Variants in KPNA4 observed in about 807,000 individuals in gnomAD.
KPNA4 encodes karyopherin subunit alpha 4.
A neutral mutation model predicts 71.3 loss-of-function variants in KPNA4; 13 were observed. That is an observed-to-expected ratio of 0.18 (90% CI 0.12 to 0.29). KPNA4 has a LOEUF of 0.29. Among genes scored for constraint, KPNA4 ranks in the 10% least tolerant of loss-of-function variants. KPNA4 has a pLI of 1.00. For missense variants in KPNA4, 334 were observed against 603.2 expected (o/e 0.55, Z 4.67); for synonymous variants, 189 against 195.2 (o/e 0.97, Z 0.26).
rs1722322447 is a variant in KPNA4, at chr3:160,565,202, C to A, written c.69+12G>T. On this transcript the variant is annotated intron_variant, in intron 1 of 16. Transcript: ENST00000334256. The stretch of plus-strand genomic sequence containing the variant: ...ACAGCCCCCACCCCTCCGGCGTCGT[C>A]CCCGAGTTTACCTCCAAGTCGCGGC... 4 of 1,603,416 alleles carry A rather than the reference C, an allele frequency of 2.5e-6. No individual in the cohort carries two copies. The highest frequency in any genetic ancestry group is 2.6e-6 in the Non-Finnish European group (3 of 1,174,496).
Position 160,539,975 on chromosome 3 carries a change from A to G in KPNA4, c.70-3135T>C, listed in dbSNP as rs577318457. Among the ~76,000 whole-genome samples the G allele has an allele frequency of 2.6e-5, 4 of 151,422 alleles. No homozygotes were observed. In the East Asian group the frequency reaches 7.7e-4, roughly 29 times the overall value. ...TCTCATTTATTAAATCCAGAGATTTACGAAAAATTTTCTTTTTCTTTTCTT... is the reference window on the plus strand; with the variant it reads ...TCTCATTTATTAAATCCAGAGATTTGCGAAAAATTTTCTTTTTCTTTTCTT... On this transcript the variant is annotated intron_variant, in intron 1 of 16. Coordinates refer to ENST00000334256, the MANE Select transcript of KPNA4 (RefSeq NM_002268.5).
chr3:160,513,752 A>G (rs1459443828), intron 13 of KPNA4, among the ~76,000 whole-genome samples: 1 of 152,196 alleles, frequency 6.6e-6, no homozygotes, highest in East Asian at 1.9e-4. Flanking sequence ...TCAATGAGGT[A>G]ATGTATGTAA....
intron 10 of KPNA4, 110 bp downstream of exon 10, chr3:160,525,690 T>G (rs554190008): frequency 2.0e-6 from 1 of 499,946 alleles, no homozygotes; most frequent in Non-Finnish European, 3.3e-6. Context: ...GAAAATCTGA[T>G]AGTATGCTGA....
intron 1 of KPNA4, among the ~76,000 whole-genome samples, chr3:160,544,656 C>A (rs888122112): frequency 6.6e-5 from 10 of 152,096 alleles, no homozygotes; most frequent in Non-Finnish European, 1.5e-4. Flanking sequence ...TGGGAAAAGA[C>A]ACTGAGAAAA....
chr3:160,516,147 T>A, intron 11 of KPNA4, among the ~76,000 whole-genome samples: 1 of 151,718 alleles, frequency 6.6e-6, no homozygotes, highest in Non-Finnish European at 1.5e-5. Flanking sequence ...CCACCATACC[T>A]GGCTAATTCT....
intron 1 of KPNA4, among the ~76,000 whole-genome samples, chr3:160,562,975 C>G (rs1722275317): frequency 1.3e-5 from 2 of 152,152 alleles, no homozygotes. Flanking sequence ...TCTGGCAATT[C>G]CACCAAAGGT....
At chr3:160,535,240 A>G (rs1191931345) in intron 5 of KPNA4, among the ~76,000 whole-genome samples, 1 of 152,232 alleles carries the variant, frequency 6.6e-6, no homozygotes, top group East Asian at 1.9e-4. Context: ...TTAATTTGTT[A>G]AATCAACTTT....
intron 15 of KPNA4, 53 bp downstream of exon 15, chr3:160,508,054 G>A: frequency 1.5e-6 from 2 of 1,362,444 alleles, no homozygotes; most frequent in Non-Finnish European, 2.0e-6. Flanking sequence ...GCAAATAAAG[G>A]TAGTTACAAA....
chr3:160,534,877 C>G (rs1721654194), intron 5 of KPNA4, among the ~76,000 whole-genome samples: 1 of 151,514 alleles, frequency 6.6e-6, no homozygotes, highest in Admixed American at 6.6e-5. Context: ...GTGCCCACAA[C>G]CATGCTGGGC....
At chr3:160,524,966 A>G (rs1303736884) in intron 10 of KPNA4, among the ~76,000 whole-genome samples, 1 of 152,230 alleles carries the variant, frequency 6.6e-6, no homozygotes, top group Non-Finnish European at 1.5e-5. Flanking sequence ...GTTTTTAAAG[A>G]ACCACATGAG....
At position 160,509,885 on chromosome 3, in the gene KPNA4, A is replaced by C. The variant is rs1328535132; in HGVS notation, c.1138-14T>G. 1.3e-6 allele frequency: 2 copies of C among 1,592,128 alleles called. No individual in the cohort carries two copies. Among genetic ancestry groups the C allele is most frequent in the Non-Finnish European group, 1.7e-6 (2 of 1,161,596 alleles). ...GCCAAAATCCCCCTGTAAAAAGGCA[A>C]AACAAAGGCTATAAAAATTGCCACA... On this transcript the variant is annotated splice_polypyrimidine_tract_variant and intron_variant, in intron 13 of 16. Transcript: ENST00000334256.
chr3:160,522,883 G>A (rs374514341), intron 10 of KPNA4, among the ~76,000 whole-genome samples: 66 of 137,334 alleles, frequency 4.8e-4, no homozygotes, highest in Admixed American at 5.2e-4. Context: ...TGCTACTTAT[G>A]AAAAAAAAAA....
At position 160,495,520 on chromosome 3, in the gene KPNA4, AAAGG is replaced by A. The variant is rs1455457282; in HGVS notation, c.*6580_*6583del. 1.0e-5 allele frequency: 1 copy of A among 96,628 alleles called. No homozygotes were observed. The highest frequency in any genetic ancestry group is 4.6e-5 in the African/African-American group (1 of 21,802). The allele number at this position is 96,628 out of a possible 1,614,324, so 6.0% of individuals were successfully genotyped here. On this transcript the variant is annotated 3_prime_UTR_variant, in exon 17 of 17. Transcript: ENST00000334256. ...ATCCTAGATCATCCTAAACTGGTTA[AAAGG>A]AAGATTTTAAAAACTAGCTTGTCTA...
intron 1 of KPNA4, among the ~76,000 whole-genome samples, chr3:160,548,876 T>G (rs1340091946): frequency 2.6e-5 from 4 of 152,214 alleles, no homozygotes; most frequent in African/African-American, 9.6e-5. Context: ...CTGTTTTTCA[T>G]AGTAGCTTCA....
intron 10 of KPNA4, among the ~76,000 whole-genome samples, chr3:160,523,475 AAAT>A (rs1721398763): frequency 6.6e-6 from 1 of 152,218 alleles, no homozygotes; most frequent in African/African-American, 2.4e-5. Context: ...TAAAAGGTGA[AAAT>A]AATGCTTTGC....
chr3:160,521,613 T>C (rs1017468160), intron 11 of KPNA4, among the ~76,000 whole-genome samples, 166 bp downstream of exon 11: 2 of 152,034 alleles, frequency 1.3e-5, no homozygotes, highest in African/African-American at 2.4e-5. Context: ...AAAAAGAAAT[T>C]AGTAATCTAC....
At chr3:160,554,565 C>T (rs980366998) in intron 1 of KPNA4, among the ~76,000 whole-genome samples, 2 of 151,890 alleles carry the variant, frequency 1.3e-5, no homozygotes, top group South Asian at 2.1e-4. Flanking sequence ...ACTGGTGACT[C>T]GGGGGGGCCC....
rs766355950 is a variant in KPNA4, at chr3:160,531,448, A to C, written c.383+14T>G. 1 of 1,329,184 alleles carries C rather than the reference A, an allele frequency of 7.5e-7. No individual in the cohort carries two copies. Among genetic ancestry groups the C allele is most frequent in the Non-Finnish European group, 1.0e-6 (1 of 974,054 alleles). 82.3% of individuals were successfully genotyped at this position (1,329,184 alleles called of 1,614,324 possible). ...ATTCTAAATTAAAAAAAAAAAAATA[A>C]ATAATGTACTCACTTGTCATCTCTT... On this transcript the variant is annotated intron_variant, in intron 6 of 16. Coordinates refer to ENST00000334256, the MANE Select transcript of KPNA4 (RefSeq NM_002268.5).
chr3:160,537,980 A>T (rs912619955), intron 1 of KPNA4, among the ~76,000 whole-genome samples: 3 of 151,948 alleles, frequency 2.0e-5, no homozygotes, highest in Non-Finnish European at 4.4e-5. Flanking sequence ...AGTCTAGTAT[A>T]ATGACAGCAA....
Sources: gnomAD v4.1 joint callset for allele counts (sites outside exome capture counted in the v4.1 genomes callset) on GRCh38, gnomAD v4.1.1 for gene constraint, MANE v1.5 for transcripts, NCBI Gene and HGNC (gene_info 2026-07-23, HGNC 2026-07-21) for gene names.